Variants in MIPEP observed in about 807,000 individuals in gnomAD.
The protein encoded by MIPEP is mitochondrial intermediate peptidase.
MIPEP carries 79 observed loss-of-function variants against 90.3 expected under a neutral mutation model. That is an observed-to-expected ratio of 0.87 (90% CI 0.73 to 1.05). The LOEUF (loss-of-function observed/expected upper bound fraction) is 1.05, where lower values mean the gene tolerates loss of function less well. MIPEP is among the 50% of genes least tolerant of loss of function. The probability of loss-of-function intolerance (pLI) is 0.00; values close to 1 mark genes in which losing one functional copy is unlikely to be tolerated. For synonymous variants in MIPEP, 334 were observed against 315.8 expected (o/e 1.06, Z -0.61); for missense variants, 940 against 905.6 (o/e 1.04, Z -0.49).
chr13:23,828,678 A>G (rs1351497887), intron 14 of MIPEP, among the ~76,000 whole-genome samples: 1 of 152,210 alleles, frequency 6.6e-6, no homozygotes, highest in Non-Finnish European at 1.5e-5. Context: ...CAAGAAATGG[A>G]GAGATATGCC....
chr13:23,835,024 C>CTTTTT (rs57093490), intron 14 of MIPEP, among the ~76,000 whole-genome samples: 4 of 134,790 alleles, frequency 3.0e-5, no homozygotes, highest in Admixed American at 7.6e-5. Flanking sequence ...ATCCATTATT[C>CTTTTT]TTTTTTTTTT....
intron 18 of MIPEP, among the ~76,000 whole-genome samples, chr13:23,746,217 T>C (rs1952381610): frequency 6.6e-6 from 1 of 151,310 alleles, no homozygotes; most frequent in Non-Finnish European, 1.5e-5. Context: ...TTTCACCATG[T>C]TGGCCAGGCT....
chr13:23,833,365 G>A (rs1289799276), intron 14 of MIPEP, among the ~76,000 whole-genome samples: 2 of 152,202 alleles, frequency 1.3e-5, no homozygotes, highest in Non-Finnish European at 2.9e-5. Context: ...CATTCTCCAT[G>A]AGAATCACAA....
At chr13:23,864,103 A>T (rs1870425988) in intron 8 of MIPEP, 38 bp downstream of exon 8, 1 of 1,179,156 alleles carries the variant, frequency 8.5e-7, no homozygotes, top group African/African-American at 1.6e-5. Flanking sequence ...ACTAAATAAC[A>T]TATAACCAAA....
At chr13:23,785,637 AAG>A (rs1206632360) in intron 16 of MIPEP, among the ~76,000 whole-genome samples, 1 of 151,590 alleles carries the variant, frequency 6.6e-6, no homozygotes, top group East Asian at 1.9e-4. Context: ...AAAAAAAAAA[AAG>A]AAAAAAAGAA....
At chr13:23,767,036 T>TG (rs1418952563) in intron 16 of MIPEP, among the ~76,000 whole-genome samples, 1 of 152,124 alleles carries the variant, frequency 6.6e-6, no homozygotes, top group African/African-American at 2.4e-5. Flanking sequence ...CCCTGGAACC[T>TG]GGGGGGCCCT....
intron 18 of MIPEP, among the ~76,000 whole-genome samples, chr13:23,747,335 C>T (rs564173471): frequency 6.6e-6 from 1 of 152,278 alleles, no homozygotes; most frequent in South Asian, 2.1e-4. Context: ...TCTCTTGATG[C>T]CCAGGGCTTA....
intron 7 of MIPEP, among the ~76,000 whole-genome samples, chr13:23,864,754 A>AG (rs1870460744): frequency 1.7e-5 from 1 of 59,362 alleles, no homozygotes; most frequent in Non-Finnish European, 4.0e-5. Context: ...AAAAAAAAAG[A>AG]GTTAATGGGA....
chr13:23,764,671 C>A (rs534878541), intron 16 of MIPEP, among the ~76,000 whole-genome samples: 1 of 151,730 alleles, frequency 6.6e-6, no homozygotes, highest in Non-Finnish European at 1.5e-5. Flanking sequence ...TAGCCTCAGA[C>A]CTCAGCCTCC....
chr13:23,803,889 G>A (rs1202324353), intron 16 of MIPEP, among the ~76,000 whole-genome samples: 1 of 145,260 alleles, frequency 6.9e-6, no homozygotes, highest in East Asian at 2.0e-4. Context: ...TTAAAATAAT[G>A]TCTTTTTTTC....
At chr13:23,732,259 G>A (rs1952214370) in intron 18 of MIPEP, among the ~76,000 whole-genome samples, 1 of 152,046 alleles carries the variant, frequency 6.6e-6, no homozygotes. Flanking sequence ...AAAGTGCTGG[G>A]ATTACAGGCG....
At chr13:23,806,718 AT>A (rs1566000357) in intron 15 of MIPEP, among the ~76,000 whole-genome samples, 1 of 104,856 alleles carries the variant, frequency 9.5e-6, no homozygotes, top group African/African-American at 4.8e-5. Flanking sequence ...AAAAATCTAT[AT>A]CTATCTATCT....
intron 14 of MIPEP, among the ~76,000 whole-genome samples, chr13:23,833,873 C>A (rs1478286250): frequency 2.0e-5 from 3 of 152,086 alleles, no homozygotes; most frequent in African/African-American, 7.2e-5. Flanking sequence ...ACTTTGGCAG[C>A]GGCCACCTCC....
At chr13:23,884,368 T>A (rs1871386951) in intron 2 of MIPEP, among the ~76,000 whole-genome samples, 1 of 152,220 alleles carries the variant, frequency 6.6e-6, no homozygotes, top group Non-Finnish European at 1.5e-5. Context: ...AGAATAATAA[T>A]TTTAAAAACA....
intron 10 of MIPEP, among the ~76,000 whole-genome samples, chr13:23,847,627 G>A (rs1869608286): frequency 6.6e-6 from 1 of 152,136 alleles, no homozygotes; most frequent in African/African-American, 2.4e-5. Context: ...AGAAAGAGGA[G>A]GCATCAGGAG....
intron 14 of MIPEP, among the ~76,000 whole-genome samples, chr13:23,814,326 G>T (rs891195208): frequency 6.6e-6 from 1 of 151,992 alleles, no homozygotes; most frequent in East Asian, 1.9e-4. Flanking sequence ...GCACAATCTC[G>T]GCCCACTGCA....
Position 23,858,850 on chromosome 13 carries a change from A to T in MIPEP, c.1106+10T>A. 1 of 1,612,910 alleles carries T rather than the reference A, an allele frequency of 6.2e-7. No individual in the cohort carries two copies. Among genetic ancestry groups the T allele is most frequent in the East Asian group, 2.2e-5 (1 of 44,874 alleles). On this transcript the variant is annotated intron_variant, in intron 10 of 18. Coordinates refer to ENST00000382172, the MANE Select transcript of MIPEP (RefSeq NM_005932.4). ...CCTTTTCCTGTACGGGTATTTCTTGAAAAACTTACCTTTCTGCACGAATCA... is the reference window on the plus strand; with the variant it reads ...CCTTTTCCTGTACGGGTATTTCTTGTAAAACTTACCTTTCTGCACGAATCA...
intron 1 of MIPEP, among the ~76,000 whole-genome samples, 168 bp from the exon 2 acceptor site, chr13:23,886,674 T>TA (rs1225031838): frequency 1.3e-5 from 2 of 152,122 alleles, no homozygotes; most frequent in Admixed American, 1.3e-4. Context: ...TCACTCCACA[T>TA]AAATTACACT....
intron 14 of MIPEP, among the ~76,000 whole-genome samples, chr13:23,822,918 C>T (rs1953325181): frequency 6.6e-6 from 1 of 151,002 alleles, no homozygotes; most frequent in South Asian, 2.1e-4. Flanking sequence ...CAGAGTCTTG[C>T]TCTGTTACCC....
Sources: allele counts gnomAD v4.1 joint callset (sites outside exome capture counted in the v4.1 genomes callset), GRCh38; gene constraint gnomAD v4.1.1; transcripts MANE v1.5; gene names NCBI Gene and HGNC (gene_info 2026-07-23, HGNC 2026-07-21).